The following CPE variants were observed in gnomAD, a reference collection of about 807,000 sequenced individuals.
The protein encoded by CPE is carbocypeptidase E.
In CPE, 17 loss-of-function variants were observed where a neutral mutation model predicts 53.5. The observed-to-expected ratio is 0.32, with a 90% confidence interval of 0.22 to 0.48. CPE has a LOEUF of 0.48. Among genes scored for constraint, CPE ranks in the 20% least tolerant of loss-of-function variants. The probability of loss-of-function intolerance (pLI) is 0.99; values close to 1 mark genes in which losing one functional copy is unlikely to be tolerated. For synonymous variants in CPE, 226 were observed against 228.8 expected (o/e 0.99, Z 0.11); for missense variants, 524 against 614.7 (o/e 0.85, Z 1.56).
At position 165,487,762 on chromosome 4, in the gene CPE, T is replaced by C. The variant is rs115534732; in HGVS notation, c.1113+185T>C. ...TGTCATAGGTTTTGTGGCTCAGGACTATTCACCAAGAACTGACTAAACTGG... is the reference window on the plus strand; with the variant it reads ...TGTCATAGGTTTTGTGGCTCAGGACCATTCACCAAGAACTGACTAAACTGG... On this transcript the variant is annotated intron_variant, in intron 6 of 8. Transcript: ENST00000402744. 5.9e-3 allele frequency among the ~76,000 whole-genome samples: 896 copies of C among 152,252 alleles called. 14 individuals carry two copies. The highest frequency in any genetic ancestry group is 0.02 in the African/African-American group (842 of 41,542).
intron 1 of CPE, among the ~76,000 whole-genome samples, chr4:165,456,941 A>G (rs930243348): frequency 2.0e-5 from 3 of 151,864 alleles, no homozygotes; most frequent in Non-Finnish European, 4.4e-5. Flanking sequence ...GAGTTTCACC[A>G]GCTTGACCAG....
At chr4:165,467,606 G>T in intron 2 of CPE, 82 bp from the exon 3 acceptor site, 1 of 1,301,786 alleles carries the variant, frequency 7.7e-7, no homozygotes, top group South Asian at 1.5e-5. Flanking sequence ...TTATTTTAAA[G>T]AGCATTGATA....
intron 1 of CPE, among the ~76,000 whole-genome samples, chr4:165,407,859 C>CTG (rs1553971844): frequency 6.9e-6 from 1 of 144,728 alleles, no homozygotes; most frequent in East Asian, 2.0e-4. Context: ...CCCGACCCAA[C>CTG]TTTTTTTTTT....
chr4:165,440,208 A>G (rs1003758902), intron 1 of CPE, among the ~76,000 whole-genome samples: 9 of 152,138 alleles, frequency 5.9e-5, no homozygotes, highest in African/African-American at 2.2e-4. Flanking sequence ...AAAAACTCCT[A>G]ATGTTCTTCT....
chr4:165,460,248 C>T (rs940861408), intron 1 of CPE, among the ~76,000 whole-genome samples: 10 of 152,002 alleles, frequency 6.6e-5, no homozygotes, highest in East Asian at 1.9e-4. Flanking sequence ...AGGTAAAGAA[C>T]GTATTGACTC....
chr4:165,406,041 C>A, intron 1 of CPE: 1 of 758,350 alleles, frequency 1.3e-6, no homozygotes, highest in Non-Finnish European at 2.5e-6. Context: ...TTGATATCAG[C>A]ACCTACAATA....
At chr4:165,482,923 C>T (rs1283664760) in intron 4 of CPE, among the ~76,000 whole-genome samples, 1 of 151,956 alleles carries the variant, frequency 6.6e-6, no homozygotes, top group East Asian at 1.9e-4. Context: ...TTTGTTGCTC[C>T]AGGGAATTTC....
At chr4:165,387,321 C>G (rs1730609762) in intron 1 of CPE, among the ~76,000 whole-genome samples, 1 of 152,188 alleles carries the variant, frequency 6.6e-6, no homozygotes, top group Non-Finnish European at 1.5e-5. Flanking sequence ...CGTGGAACAA[C>G]TTTCCACTAC....
chr4:165,405,255 C>G (rs867737703), intron 1 of CPE: 8 of 891,732 alleles, frequency 9.0e-6, no homozygotes, highest in African/African-American at 1.6e-5. Flanking sequence ...CCCATCATCC[C>G]TGCACCAGGA....
intron 1 of CPE, among the ~76,000 whole-genome samples, chr4:165,421,201 A>G (rs1560876560): frequency 1.3e-5 from 2 of 152,192 alleles, no homozygotes; most frequent in Admixed American, 6.5e-5. Flanking sequence ...CTGAGTGTGC[A>G]GTAGTAAATT....
chr4:165,388,644 C>T (rs1206060194), intron 1 of CPE, among the ~76,000 whole-genome samples: 1 of 152,214 alleles, frequency 6.6e-6, no homozygotes, highest in Non-Finnish European at 1.5e-5. Context: ...ATGCCTGCTG[C>T]ATATGATGCA....
At chr4:165,467,913 A>G (rs1408548243) in intron 3 of CPE, 58 bp downstream of exon 3, 1 of 1,555,942 alleles carries the variant, frequency 6.4e-7, no homozygotes, top group Non-Finnish European at 8.8e-7. Flanking sequence ...AATATGTTCC[A>G]ATATCTTCAT....
intron 1 of CPE, among the ~76,000 whole-genome samples, chr4:165,453,316 CTTCCTTCCTTCCTTCT>C (rs899319163): frequency 6.0e-5 from 9 of 149,110 alleles, no homozygotes; most frequent in African/African-American, 2.0e-4. Flanking sequence ...TTTTTCCTTC[CTTCCTTCCTTCCTTCT>C]TTCCTTCCTT....
At chr4:165,422,692 C>G (rs1731245601) in intron 1 of CPE, among the ~76,000 whole-genome samples, 1 of 152,078 alleles carries the variant, frequency 6.6e-6, no homozygotes, top group Admixed American at 6.6e-5. Context: ...AAGATGTACA[C>G]TGGGGCCAGG....
intron 1 of CPE, chr4:165,381,492 T>A: frequency 2.9e-6 from 1 of 349,858 alleles, no homozygotes; most frequent in South Asian, 2.2e-5. Flanking sequence ...GTTGATTGAA[T>A]TCCTCTTACA....
intron 1 of CPE, among the ~76,000 whole-genome samples, chr4:165,382,700 A>G (rs1730522453): frequency 6.6e-6 from 1 of 152,240 alleles, no homozygotes; most frequent in South Asian, 2.1e-4. Context: ...TTGTTAGACT[A>G]GCAGTTTTTG....
chr4:165,429,155 G>A (rs1387880762), intron 1 of CPE, among the ~76,000 whole-genome samples: 2 of 152,016 alleles, frequency 1.3e-5, no homozygotes, highest in Non-Finnish European at 2.9e-5. Flanking sequence ...TTTGGGTTGG[G>A]CTCAGCTGGA....
chr4:165,434,090 T>A (rs1731456230), intron 1 of CPE, among the ~76,000 whole-genome samples: 1 of 150,226 alleles, frequency 6.7e-6, no homozygotes, highest in Admixed American at 6.7e-5. Context: ...TCCAGACTGA[T>A]TTAGTTTTTT....
intron 1 of CPE, among the ~76,000 whole-genome samples, chr4:165,434,766 T>C (rs1392042239): frequency 6.6e-6 from 1 of 152,166 alleles, no homozygotes; most frequent in Non-Finnish European, 1.5e-5. Flanking sequence ...ACACAACATC[T>C]GCCATAGCTT....
Sources: allele counts gnomAD v4.1 joint callset (sites outside exome capture counted in the v4.1 genomes callset), GRCh38; gene constraint gnomAD v4.1.1; transcripts MANE v1.5; gene names NCBI Gene and HGNC (gene_info 2026-07-23, HGNC 2026-07-21).